The following ANK2 variants were observed in gnomAD, a reference collection of about 807,000 sequenced individuals.
ANK2 encodes the protein ankyrin 2, also known as ankyrin-2.
A neutral mutation model predicts 360.5 loss-of-function variants in ANK2; 83 were observed. That is an observed-to-expected ratio of 0.23 (90% CI 0.19 to 0.28). The LOEUF is 0.28. ANK2 is among the 10% of genes least tolerant of loss of function. The pLI is 1.00. For synonymous variants in ANK2, 1,740 were observed against 1,759.5 expected, an observed-to-expected ratio of 0.99 and a Z score of 0.28; for missense variants, 4,201 against 4,795.7, an observed-to-expected ratio of 0.88 and a Z score of 3.66.
chr4:113,303,830 A>G (rs1299616352), intron 23 of ANK2, among the ~76,000 whole-genome samples: 1 of 152,232 alleles, frequency 6.6e-6, no homozygotes, highest in African/African-American at 2.4e-5. Flanking sequence ...TTGAAAAATT[A>G]TTGCTATTAA....
At chr4:113,318,733 C>G (rs2153837254) in intron 26 of ANK2, 113 bp downstream of exon 26, 2 of 871,756 alleles carry the variant, frequency 2.3e-6, no homozygotes, top group Middle Eastern at 5.4e-4. Context: ...TGGAGGTGCC[C>G]TTTGTTTAAA....
chr4:113,107,965 A>G (rs1310425612), intron 1 of ANK2, among the ~76,000 whole-genome samples: 1 of 152,216 alleles, frequency 6.6e-6, no homozygotes, highest in African/African-American at 2.4e-5. Context: ...CAGTTAATAA[A>G]AAAGATGGTT....
At chr4:113,256,963 A>G (rs1414231815) in intron 11 of ANK2, among the ~76,000 whole-genome samples, 1 of 152,228 alleles carries the variant, frequency 6.6e-6, no homozygotes, top group Non-Finnish European at 1.5e-5. Flanking sequence ...GTTAATTGCA[A>G]ATATTTTAAG....
intron 29 of ANK2, among the ~76,000 whole-genome samples, chr4:113,333,840 A>T (rs1038107030): frequency 1.3e-5 from 2 of 152,208 alleles, no homozygotes; most frequent in Admixed American, 6.5e-5. Context: ...TTCCATTAGA[A>T]CTTCAATTGC....
In ANK2 at chr4:112,837,164, A is replaced by G. The variant is rs115766733; in HGVS notation, c.-40+18900A>G. The stretch of plus-strand genomic sequence containing the variant: ...CTTGGGACAGGGCACCCTGCATCCC[A>G]GCAGCTCCAGTTCCAGCTGTGGCTA... On this transcript the variant is annotated intron_variant, in intron 1 of 30. Coordinates refer to the ANK2 transcript ENST00000503271. Among the ~76,000 whole-genome samples the G allele has an allele frequency of 1.2e-3, 181 of 152,352 alleles. 2 individuals carry two copies. Among genetic ancestry groups the G allele is most frequent in the African/African-American group, 4.1e-3 (169 of 41,586 alleles).
intron 2 of ANK2, among the ~76,000 whole-genome samples, chr4:113,179,538 T>A (rs1352527274): frequency 6.6e-6 from 1 of 152,206 alleles, no homozygotes; most frequent in Non-Finnish European, 1.5e-5. Flanking sequence ...TAAAAGAATG[T>A]CAAGTTTTCA....
At chr4:113,177,409 G>A (rs1439663969) in intron 2 of ANK2, among the ~76,000 whole-genome samples, 1 of 152,142 alleles carries the variant, frequency 6.6e-6, no homozygotes, top group Non-Finnish European at 1.5e-5. Flanking sequence ...TAGATTAAAT[G>A]CACTCCCTAA....
At chr4:113,284,712 C>T (rs2063715775) in intron 18 of ANK2, among the ~76,000 whole-genome samples, 1 of 152,050 alleles carries the variant, frequency 6.6e-6, no homozygotes, top group Non-Finnish European at 1.5e-5. Context: ...GTCCTAAACA[C>T]ATAGTATGTT....
chr4:113,302,737 C>G (rs1482336340), intron 22 of ANK2, 30 bp from the exon 23 acceptor site: 2 of 1,580,456 alleles, frequency 1.3e-6, no homozygotes, highest in Non-Finnish European at 1.7e-6. Flanking sequence ...TTGGTTTCAA[C>G]TTGAACATTA....
intron 1 of ANK2, among the ~76,000 whole-genome samples, chr4:113,142,962 C>T (rs1212060069): frequency 6.6e-6 from 1 of 151,360 alleles, no homozygotes; most frequent in African/African-American, 2.4e-5. Flanking sequence ...ATATTTGTCA[C>T]ACTTAAATAT....
chr4:113,090,454 G>C (rs556207494), intron 1 of ANK2, among the ~76,000 whole-genome samples: 1 of 152,168 alleles, frequency 6.6e-6, no homozygotes, highest in African/African-American at 2.4e-5. Context: ...CTTAGGAAGA[G>C]GTTCTTGAAA....
intron 24 of ANK2, among the ~76,000 whole-genome samples, chr4:113,312,985 A>T (rs898238449): frequency 4.6e-5 from 7 of 152,296 alleles, no homozygotes; most frequent in African/African-American, 1.7e-4. Flanking sequence ...AAAAAATTTG[A>T]GAGTTTTTTG....
the ANK2 span, among the ~76,000 whole-genome samples, chr4:112,776,017 G>A: frequency 1.3e-5 from 2 of 152,166 alleles, no homozygotes; most frequent in African/African-American, 2.4e-5. Context: ...GATGCCATTG[G>A]TCTAACTACT....
chr4:112,860,471 G>C (rs115947133), intron 1 of ANK2, among the ~76,000 whole-genome samples: 8,438 of 152,032 alleles, frequency 0.056, 391 homozygotes, highest in African/African-American at 0.12. Context: ...ATGATCCGCC[G>C]GCCTTTGAAC....
intron 2 of ANK2, among the ~76,000 whole-genome samples, chr4:112,969,172 T>A (rs1459060915): frequency 2.0e-5 from 3 of 152,226 alleles, no homozygotes; most frequent in Non-Finnish European, 4.4e-5. Flanking sequence ...ATCTAAACCC[T>A]TCAGACCCTA....
chr4:112,962,514 T>C (rs2035357444), intron 2 of ANK2, among the ~76,000 whole-genome samples: 1 of 152,198 alleles, frequency 6.6e-6, no homozygotes. Flanking sequence ...TAAAAGTGCA[T>C]GTATCTTTTT....
At chr4:112,814,116 C>T (rs1049094899), upstream of ANK2, among the ~76,000 whole-genome samples, 1 of 152,214 alleles carries the variant, frequency 6.6e-6, no homozygotes, top group African/African-American at 2.4e-5. Context: ...CACTGAGTTG[C>T]AAGGGAGCTT....
chr4:113,140,640 A>AT (rs202058977), intron 1 of ANK2, among the ~76,000 whole-genome samples: 77 of 151,452 alleles, frequency 5.1e-4, no homozygotes, highest in African/African-American at 1.7e-3. Context: ...ACTCATGGCA[A>AT]TTTTTTTTTC....
the ANK2 span, among the ~76,000 whole-genome samples, chr4:112,805,607 A>T: frequency 6.9e-6 from 1 of 145,670 alleles, no homozygotes; most frequent in African/African-American, 2.6e-5. Flanking sequence ...TTTAAGACCG[A>T]GTCTCACTCT....
Sources: gnomAD v4.1 joint callset for allele counts (sites outside exome capture counted in the v4.1 genomes callset) on GRCh38, gnomAD v4.1.1 for gene constraint, MANE v1.5 for transcripts, NCBI Gene and HGNC (gene_info 2026-07-23, HGNC 2026-07-21) for gene names.